Variants in QTMAN observed in about 807,000 individuals in gnomAD.
QTMAN encodes queuosine-tRNA mannosyltransferase, also known as tRNA-queuosine alpha-mannosyltransferase.
chr2:144,124,764 GATTT>G, the QTMAN span, among the ~76,000 whole-genome samples: 1 of 151,940 alleles, frequency 6.6e-6, no homozygotes, highest in Non-Finnish European at 1.5e-5. Flanking sequence ...CTCAGATGTT[GATTT>G]ATTTTTCCAA....
At chr2:144,229,623 G>A in the QTMAN span, among the ~76,000 whole-genome samples, 74 of 152,144 alleles carry the variant, frequency 4.9e-4, 1 homozygote, top group African/African-American at 1.7e-3. Context: ...TTAGCATATA[G>A]GATAAGCAAT....
chr2:144,039,091 T>C, the QTMAN span, among the ~76,000 whole-genome samples: 2 of 152,220 alleles, frequency 1.3e-5, no homozygotes, highest in East Asian at 3.9e-4. Flanking sequence ...CCAAAGTGTG[T>C]TCTCAAAAAT....
the QTMAN span, among the ~76,000 whole-genome samples, chr2:144,139,800 G>C: frequency 6.6e-6 from 1 of 151,898 alleles, no homozygotes; most frequent in African/African-American, 2.4e-5. Context: ...TTATTTTGTT[G>C]GAAATATGGC....
chr2:144,275,214 C>G, the QTMAN span, among the ~76,000 whole-genome samples: 1 of 151,910 alleles, frequency 6.6e-6, no homozygotes, highest in Non-Finnish European at 1.5e-5. Context: ...GAAACCCTGT[C>G]TCTACTAAAA....
the QTMAN span, among the ~76,000 whole-genome samples, chr2:144,210,678 T>TA: frequency 1.3e-5 from 2 of 152,266 alleles, no homozygotes; most frequent in South Asian, 4.1e-4. Flanking sequence ...AGACACCCTC[T>TA]AGGTTCAACA....
chr2:144,313,673 T>C, the QTMAN span, among the ~76,000 whole-genome samples: 1 of 152,022 alleles, frequency 6.6e-6, no homozygotes, highest in Non-Finnish European at 1.5e-5. Context: ...ACATGCTACC[T>C]GCAAAATGAA....
the QTMAN span, among the ~76,000 whole-genome samples, chr2:144,055,334 G>GACACACAGAC: frequency 3.8e-5 from 5 of 132,774 alleles, no homozygotes; most frequent in Non-Finnish European, 6.7e-5. Flanking sequence ...CAGACACACA[G>GACACACAGAC]ACACACACAC....
the QTMAN span, among the ~76,000 whole-genome samples, chr2:144,179,410 C>T: frequency 8.0e-3 from 1,217 of 152,244 alleles, 25 homozygotes; most frequent in Non-Finnish European, 6.0e-3. Flanking sequence ...TCTATGCAGG[C>T]TAAAACATTG....
chr2:144,118,440 G>A, the QTMAN span, among the ~76,000 whole-genome samples: 4 of 151,912 alleles, frequency 2.6e-5, no homozygotes, highest in African/African-American at 4.8e-5. Flanking sequence ...GGCTATTACC[G>A]AGATTAAAAA....
chr2:143,979,590 G>A, the QTMAN span, among the ~76,000 whole-genome samples: 4 of 152,212 alleles, frequency 2.6e-5, 1 homozygote, highest in South Asian at 2.1e-4. Flanking sequence ...CTATGCATAT[G>A]CAAACATATA....
chr2:144,095,027 C>T, the QTMAN span, among the ~76,000 whole-genome samples: 1 of 152,176 alleles, frequency 6.6e-6, no homozygotes, highest in African/African-American at 2.4e-5. Flanking sequence ...GCTTTCCCCA[C>T]TCTCCCACAA....
the QTMAN span, among the ~76,000 whole-genome samples, chr2:144,290,052 G>A: frequency 2.0e-5 from 3 of 151,836 alleles, no homozygotes; most frequent in Admixed American, 2.0e-4. Flanking sequence ...TTCAAATAAG[G>A]CACGCCAAGC....
the QTMAN span, among the ~76,000 whole-genome samples, chr2:144,024,111 C>G: frequency 6.6e-6 from 1 of 152,216 alleles, no homozygotes; most frequent in Non-Finnish European, 1.5e-5. Context: ...TGCTGAAGGC[C>G]ATTTAAAACC....
At chr2:144,145,720 C>G in the QTMAN span, 1 of 1,610,084 alleles carries the variant, frequency 6.2e-7, no homozygotes, top group Non-Finnish European at 8.5e-7. Flanking sequence ...AGGTTAAGCA[C>G]TGAACTTGCA....
At chr2:144,276,772 C>T in the QTMAN span, among the ~76,000 whole-genome samples, 1 of 152,184 alleles carries the variant, frequency 6.6e-6, no homozygotes, top group African/African-American at 2.4e-5. Context: ...CAATGGTCTA[C>T]ACTCGCATGG....
chr2:143,987,342 C>A, the QTMAN span, among the ~76,000 whole-genome samples: 6 of 152,306 alleles, frequency 3.9e-5, no homozygotes, highest in Admixed American at 3.9e-4. Flanking sequence ...CTGAGTCTTT[C>A]TAGACTCCGT....
the QTMAN span, among the ~76,000 whole-genome samples, chr2:144,105,599 C>G: frequency 7.2e-5 from 11 of 152,220 alleles, no homozygotes; most frequent in South Asian, 2.3e-3. Context: ...AAATATAAGA[C>G]TATGTGAAAA....
At chr2:144,323,552 G>C in the QTMAN span, among the ~76,000 whole-genome samples, 2 of 152,104 alleles carry the variant, frequency 1.3e-5, no homozygotes, top group Non-Finnish European at 2.9e-5. Context: ...AAAAGTTAGC[G>C]TTACTATGAT....
the QTMAN span, among the ~76,000 whole-genome samples, chr2:144,138,857 C>A: frequency 6.6e-6 from 1 of 152,026 alleles, no homozygotes; most frequent in African/African-American, 2.4e-5. Flanking sequence ...TCAAAGGGCC[C>A]ATCTGAATCT....
Sources: allele counts gnomAD v4.1 joint callset (sites outside exome capture counted in the v4.1 genomes callset), GRCh38; gene constraint gnomAD v4.1.1; transcripts MANE v1.5; gene names NCBI Gene and HGNC (gene_info 2026-07-23, HGNC 2026-07-21).